RUVBL1: variants seen among roughly 807,000 people sequenced by gnomAD.
The protein encoded by RUVBL1 is ruvB-like 1.
A neutral mutation model predicts 52.4 loss-of-function variants in RUVBL1; 4 were observed. That is an observed-to-expected ratio of 0.08 (90% CI 0.04 to 0.17). The LOEUF is 0.17. Among genes scored for constraint, RUVBL1 ranks in the 10% least tolerant of loss-of-function variants. The probability of loss-of-function intolerance (pLI) is 1.00; values close to 1 mark genes in which losing one functional copy is unlikely to be tolerated. For missense variants in RUVBL1, 298 were observed against 572.8 expected (o/e 0.52, Z 4.90); for synonymous variants, 217 against 214.4 (o/e 1.01, Z -0.10).
At position 128,129,786 on chromosome 3, in the gene RUVBL1, T is replaced by A. The variant is rs72970122; in HGVS notation, c.-39-10372A>T. Among the ~76,000 whole-genome samples the A allele has an allele frequency of 8.6e-4, 131 of 152,260 alleles. 1 individual carries two copies. The highest frequency in any genetic ancestry group is 3.1e-3 in the African/African-American group (127 of 41,548). ...GCCAGTCACAAAAAGACAAGTACAG[T>A]ATGGCTCCACTATGAGGAAGTAGTT... is the stretch of plus-strand genomic sequence containing the variant. On this transcript the variant is annotated intron_variant, in intron 1 of 9. Transcript: ENST00000464873.
chr3:128,087,967 A>C lies in RUVBL1; in HGVS notation c.1017-159T>G, dbSNP rs1942700338. 5.4e-6 allele frequency: 3 copies of C among 550,782 alleles called. No individual in the cohort carries two copies. In the South Asian group the frequency reaches 6.7e-5, roughly 12 times the overall value. 34.1% of individuals were successfully genotyped at this position (550,782 alleles called of 1,614,324 possible). A position where few individuals can be genotyped will look rare whatever the true frequency, so the allele number is the denominator to read the frequency against. ...ACAGACTAACCTCCAGTGGCATAAAAACAACTTCAGGCTAGGCGCAGTGGC... is the reference window on the plus strand; with the variant it reads ...ACAGACTAACCTCCAGTGGCATAAACACAACTTCAGGCTAGGCGCAGTGGC... On this transcript the variant is annotated intron_variant, in intron 8 of 10. Coordinates refer to ENST00000322623, the MANE Select transcript of RUVBL1 (RefSeq NM_003707.3).
chr3:128,113,193 T>C (rs1943433890), intron 2 of RUVBL1, among the ~76,000 whole-genome samples, 173 bp from the exon 3 acceptor site: 1 of 152,222 alleles, frequency 6.6e-6, no homozygotes, highest in Admixed American at 6.5e-5. Context: ...ATTTAAATCA[T>C]AAATGGCATC....
At position 128,065,048 on chromosome 3, in the gene RUVBL1, A is replaced by T. The variant is rs746539212; in HGVS notation, c.*164T>A. The T allele has an allele frequency of 2.4e-5, 39 of 1,613,966 alleles. No individual in the cohort carries two copies. Among genetic ancestry groups the T allele is most frequent in the Non-Finnish European group, 3.1e-5 (37 of 1,179,934 alleles). On this transcript the variant is annotated 3_prime_UTR_variant, in exon 10 of 10. Transcript: ENST00000464873. ...GTCATCTATTTCCAGGTGTGTCCAG[A>T]TCCAACCCCAGGGAGTTTCCATGGT...
chr3:128,142,965 G>T (rs958316956), intron 1 of RUVBL1, among the ~76,000 whole-genome samples: 1 of 152,094 alleles, frequency 6.6e-6, no homozygotes, highest in African/African-American at 2.4e-5. Flanking sequence ...ATTTTTATTA[G>T]AGACGGGGTT....
Position 128,123,632 on chromosome 3 carries a change from C to T in RUVBL1, c.93G>A (p.Leu31=), listed in dbSNP as rs143044494. 3.1e-4 allele frequency: 500 copies of T among 1,612,196 alleles called. 2 individuals are homozygous for T. The African/African-American group carries it at 6.0e-3, about 20-fold the overall frequency. The part of the protein sequence containing the change: ...VKGLGLDESG[L]AKQAASGLVG... ...CAAGCCCTGAGGCCGCCTGCTTGGC[C>T]AAGCCGCTCTCGTCCAGCCCCAGCC... Residue 31 remains leucine (L), a synonymous_variant, in exon 1 of 11, where the codon TTG becomes TTA. Transcript: ENST00000322623.
chr3:128,150,524 A>ATCCATATGTATATATGTATGT (rs1185828409), intron 1 of RUVBL1, among the ~76,000 whole-genome samples: 6 of 146,722 alleles, frequency 4.1e-5, no homozygotes, highest in Admixed American at 3.5e-4. Flanking sequence ...TGGAATATAC[A>ATCCATATGTATATATGTATGT]TCCATATGTA....
intron 9 of RUVBL1, among the ~76,000 whole-genome samples, chr3:128,065,641 A>G (rs1036946344): frequency 2.6e-5 from 4 of 151,754 alleles, no homozygotes; most frequent in African/African-American, 4.8e-5. Context: ...TGCTTTTCCC[A>G]TTCCTTCTGC....
At chr3:128,103,219 CG>C (rs1943144389) in intron 4 of RUVBL1, among the ~76,000 whole-genome samples, 1 of 152,146 alleles carries the variant, frequency 6.6e-6, no homozygotes, top group Non-Finnish European at 1.5e-5. Context: ...TTAAACTGTA[CG>C]CCTTATTTTA....
chr3:128,081,254 T>G lies in RUVBL1; in HGVS notation c.1367A>C (p.Lys456Thr). The G allele has an allele frequency of 6.2e-7, 1 of 1,613,944 alleles. No individual in the cohort carries two copies. Among genetic ancestry groups the G allele is most frequent in the African/African-American group, 1.3e-5 (1 of 75,034 alleles). ...CTGCTGAAAACCTCAGCCATCTCAC[T>G]TCATGTACTTATCCTGCTGGTCAGC... ...ILADQQDKYMK is the reference protein window; with the variant it reads ...ILADQQDKYMT The change falls in exon 11 of 11, where the codon AAG becomes ACG. Residue 456 changes from lysine (K) to threonine (T), a missense_variant. Transcript: ENST00000322623. The surrounding 1 kb of genome is among the most constrained non-coding windows in gnomAD (Gnocchi z 4.8).
intron 3 of RUVBL1, among the ~76,000 whole-genome samples, chr3:128,111,415 CAAA>C (rs1943391463): frequency 5.3e-5 from 8 of 152,106 alleles, no homozygotes; most frequent in Admixed American, 5.2e-4. Flanking sequence ...TCCCCATCTC[CAAA>C]AATGGCCAAA....
At chr3:128,113,698 G>A (rs557145789) in intron 2 of RUVBL1, among the ~76,000 whole-genome samples, 1 of 151,662 alleles carries the variant, frequency 6.6e-6, no homozygotes, top group African/African-American at 2.4e-5. Context: ...TTGATTTGTG[G>A]TTGGCAGAAT....
At chr3:128,130,114 C>T (rs1214498166) in intron 1 of RUVBL1, among the ~76,000 whole-genome samples, 5 of 151,978 alleles carry the variant, frequency 3.3e-5, no homozygotes, top group Admixed American at 2.0e-4. Flanking sequence ...AAAGTTGGTT[C>T]TTTGAAAAGA....
chr3:128,112,839 G>A, intron 3 of RUVBL1, 49 bp downstream of exon 3: 1 of 1,599,102 alleles, frequency 6.3e-7, no homozygotes, highest in Non-Finnish European at 8.5e-7. Flanking sequence ...TCGGTGCACA[G>A]GCTTCAGGAA....
At chr3:128,064,805 C>A in exon 10 of RUVBL1, 1 of 1,362,018 alleles carries the variant, frequency 7.3e-7, no homozygotes, top group Non-Finnish European at 1.0e-6. Context: ...TTTTATTTGT[C>A]TGCTAAGAAG....
chr3:128,129,508 A>AAACAAC (rs74644017), intron 1 of RUVBL1, among the ~76,000 whole-genome samples: 8 of 151,732 alleles, frequency 5.3e-5, no homozygotes, highest in Admixed American at 2.6e-4. Flanking sequence ...GGACCAGGAA[A>AAACAAC]AACAACAACA....
At chr3:128,105,405 C>T (rs1367881671) in intron 3 of RUVBL1, among the ~76,000 whole-genome samples, 1 of 152,004 alleles carries the variant, frequency 6.6e-6, no homozygotes, top group South Asian at 2.1e-4. Flanking sequence ...AGGTGTGAGC[C>T]ACCACACCCG....
At chr3:128,097,663 G>A (rs557130487) in intron 7 of RUVBL1, among the ~76,000 whole-genome samples, 165 bp from the exon 8 acceptor site, 102 of 152,176 alleles carry the variant, frequency 6.7e-4, no homozygotes, top group Middle Eastern at 6.8e-3. Context: ...TTTCAGTGTC[G>A]TCATCTGAAC....
At chr3:128,145,032 G>A (rs969548239) in intron 1 of RUVBL1, among the ~76,000 whole-genome samples, 1 of 152,180 alleles carries the variant, frequency 6.6e-6, no homozygotes, top group African/African-American at 2.4e-5. Flanking sequence ...CAACTCAGAG[G>A]AAGGAGGAAC....
chr3:128,130,160 A>G (rs1943851613), intron 1 of RUVBL1, among the ~76,000 whole-genome samples: 2 of 152,214 alleles, frequency 1.3e-5, no homozygotes, highest in Admixed American at 1.3e-4. Context: ...TAGATTGACT[A>G]AGAAAACAAG....
Sources: allele counts gnomAD v4.1 joint callset (sites outside exome capture counted in the v4.1 genomes callset), GRCh38; gene constraint gnomAD v4.1.1; non-coding constraint Gnocchi (gnomAD v3.1); transcripts MANE v1.5; gene names NCBI Gene and HGNC (gene_info 2026-07-23, HGNC 2026-07-21).